Variants in SNRPG observed in about 807,000 individuals in gnomAD.
The protein encoded by SNRPG is small nuclear ribonucleoprotein G.
SNRPG carries 3 observed loss-of-function variants against 13.9 expected under a neutral mutation model. That is an observed-to-expected ratio of 0.22 (90% CI 0.10 to 0.56). SNRPG has a LOEUF of 0.56. Among genes scored for constraint, SNRPG ranks in the 20% least tolerant of loss-of-function variants. The pLI is 0.93. For synonymous variants in SNRPG, 29 were observed against 29.3 expected, an observed-to-expected ratio of 0.99 and a Z score of 0.03; for missense variants, 34 against 96.1, an observed-to-expected ratio of 0.35 and a Z score of 2.70.
At chr2:70,293,159 A>T in intron 1 of SNRPG, 1 of 702,400 alleles carries the variant, frequency 1.4e-6, no homozygotes, top group East Asian at 2.7e-5. Flanking sequence ...CTACAAACAC[A>T]TTTGCTAAGA....
chr2:70,281,744 G>T (rs1696791198), intron 3 of SNRPG, 60 bp from the exon 4 acceptor site: 8 of 904,346 alleles, frequency 8.8e-6, no homozygotes, highest in South Asian at 2.9e-5. Flanking sequence ...TAACTATGAT[G>T]ATTTAAGAAT....
intron 3 of SNRPG, among the ~76,000 whole-genome samples, chr2:70,285,342 G>A (rs1463167968): frequency 6.6e-6 from 1 of 152,168 alleles, no homozygotes; most frequent in East Asian, 1.9e-4. Flanking sequence ...GGGAGGCTAA[G>A]GCAGGTGGCT....
chr2:70,283,594 ATAG>A (rs1340903730), intron 3 of SNRPG, among the ~76,000 whole-genome samples: 2 of 152,240 alleles, frequency 1.3e-5, no homozygotes, highest in Non-Finnish European at 2.9e-5. Flanking sequence ...AGTGCCTAAA[ATAG>A]TAGCAGGCAC....
rs1375498458 is a variant in SNRPG at position 70,293,087 on chromosome 2, C to A, written c.32+531G>T. ...TCAGAGCAAGATAACACATGACATT[C>A]AAGCTTAACGTAAAAGAAGGCAAGA... On this transcript the variant is annotated intron_variant, in intron 1 of 3. Transcript: ENST00000272348. 3 of 701,982 alleles carry A rather than the reference C, an allele frequency of 4.3e-6. No homozygotes were observed. In the Admixed American group the frequency reaches 6.0e-5, roughly 14 times the overall value. The allele number at this position is 701,982 out of a possible 1,614,324, so 43.5% of individuals were successfully genotyped here. A position where few individuals can be genotyped will look rare whatever the true frequency, so the allele number is the denominator to read the frequency against.
chr2:70,289,964 T>C (rs1341881305), intron 1 of SNRPG, among the ~76,000 whole-genome samples: 1 of 152,108 alleles, frequency 6.6e-6, no homozygotes, highest in Non-Finnish European at 1.5e-5. Flanking sequence ...TACATTCTTA[T>C]TGTTCAATAC....
chr2:70,291,830 T>TAA (rs61249330), intron 1 of SNRPG, among the ~76,000 whole-genome samples: 135 of 144,566 alleles, frequency 9.3e-4, no homozygotes, highest in East Asian at 3.0e-3. Flanking sequence ...GTCTTTTTGT[T>TAA]AAAAAAAAAA....
At chr2:70,286,054 G>A (rs1297025951) in intron 3 of SNRPG, among the ~76,000 whole-genome samples, 1 of 152,170 alleles carries the variant, frequency 6.6e-6, no homozygotes, top group African/African-American at 2.4e-5. Flanking sequence ...AGCCTCCTGA[G>A]TAGCTGGGAC....
At chr2:70,288,213 A>T in intron 2 of SNRPG, 21 bp from the exon 3 acceptor site, 1 of 1,606,860 alleles carries the variant, frequency 6.2e-7, no homozygotes, top group Non-Finnish European at 8.5e-7. Flanking sequence ...GAGAAAAAGA[A>T]GTTTTAGAAA....
intron 3 of SNRPG, chr2:70,287,262 T>TA: frequency 1.4e-6 from 1 of 699,550 alleles, no homozygotes; most frequent in East Asian, 2.7e-5. Flanking sequence ...TAGCAACTCT[T>TA]ACCACTCCTT....
intron 3 of SNRPG, among the ~76,000 whole-genome samples, chr2:70,282,919 C>A (rs1008130226): frequency 3.3e-5 from 5 of 151,472 alleles, no homozygotes; most frequent in African/African-American, 9.7e-5. Context: ...CATGGAGAAA[C>A]CCCCATCTCT....
chr2:70,291,591 G>A (rs1479648552), intron 1 of SNRPG, among the ~76,000 whole-genome samples: 1 of 152,156 alleles, frequency 6.6e-6, no homozygotes, highest in African/African-American at 2.4e-5. Context: ...GAACACCTGA[G>A]TTATGCTACA....
intron 2 of SNRPG, 95 bp from the exon 3 acceptor site, chr2:70,288,287 A>G (rs1696992867): frequency 9.8e-7 from 1 of 1,019,278 alleles, no homozygotes; most frequent in Non-Finnish European, 1.5e-6. Flanking sequence ...AGTATTTGAG[A>G]TGTCTGAAAC....
At position 70,281,518 on chromosome 2, in the gene SNRPG, A is replaced by T. The variant is rs982703853; in HGVS notation, c.*116T>A. On this transcript the variant is annotated 3_prime_UTR_variant, in exon 4 of 4. Transcript: ENST00000272348. ...CTGAGAAAGCATTTTTGACTATTAC[A>T]AAAGTTTATTTAACAAAAAGTCTAA... 3 of 547,610 alleles carry T rather than the reference A, an allele frequency of 5.5e-6. No individual in the cohort carries two copies. The African/African-American group carries it at 5.8e-5, about 11-fold the overall frequency. 33.9% of individuals were successfully genotyped at this position (547,610 alleles called of 1,614,324 possible).
At chr2:70,289,029 C>A (rs996779434) in intron 2 of SNRPG, among the ~76,000 whole-genome samples, 2 of 152,136 alleles carry the variant, frequency 1.3e-5, no homozygotes, top group Admixed American at 1.3e-4. Context: ...TGGCTCACTG[C>A]AAACTCCGCC....
At chr2:70,283,305 T>C (rs1011520247) in intron 3 of SNRPG, among the ~76,000 whole-genome samples, 5 of 151,730 alleles carry the variant, frequency 3.3e-5, no homozygotes, top group Admixed American at 6.6e-5. Flanking sequence ...ATCAGTCAAG[T>C]AGAATTGGAT....
chr2:70,287,177 G>A (rs1343357536), intron 3 of SNRPG: 2 of 608,724 alleles, frequency 3.3e-6, no homozygotes, highest in Non-Finnish European at 5.8e-6. Context: ...AACAGGCAGA[G>A]ATGTCAAAAT....
chr2:70,292,820 G>C (rs936422915), intron 1 of SNRPG: 1 of 289,430 alleles, frequency 3.5e-6, no homozygotes, highest in Non-Finnish European at 6.6e-6. Flanking sequence ...TCCAGCATCA[G>C]GAAGTATAAG....
In SNRPG at chr2:70,289,341, C is replaced by G; in HGVS notation, c.55+9G>C. ...ATTAAAAAAAACCCCAAAACAACAA[C>G]AAACTTACATGATAACTTCTTGTCC... On this transcript the variant is annotated intron_variant, in intron 2 of 3. Coordinates refer to ENST00000272348, the MANE Select transcript of SNRPG (RefSeq NM_003096.4). 1.4e-6 allele frequency: 2 copies of G among 1,413,520 alleles called. No individual in the cohort carries two copies. Among genetic ancestry groups the G allele is most frequent in the Non-Finnish European group, 2.0e-6 (2 of 1,017,910 alleles). The allele number at this position is 1,413,520 out of a possible 1,614,324, so 87.6% of individuals were successfully genotyped here.
At chr2:70,283,878 G>T (rs912587687) in intron 3 of SNRPG, among the ~76,000 whole-genome samples, 1 of 152,164 alleles carries the variant, frequency 6.6e-6, no homozygotes, top group Non-Finnish European at 1.5e-5. Flanking sequence ...GGGCAACATG[G>T]TAAAACCCTG....
Sources: allele counts gnomAD v4.1 joint callset (sites outside exome capture counted in the v4.1 genomes callset), GRCh38; gene constraint gnomAD v4.1.1; transcripts MANE v1.5; gene names NCBI Gene and HGNC (gene_info 2026-07-23, HGNC 2026-07-21).